Variants in SPATA16 observed in about 807,000 individuals in gnomAD.
SPATA16 encodes the protein spermatogenesis-associated protein 16.
In SPATA16, 36 loss-of-function variants were observed where a neutral mutation model predicts 63.3. That is an observed-to-expected ratio of 0.57 (90% CI 0.44 to 0.75). The LOEUF (loss-of-function observed/expected upper bound fraction) is 0.75, where lower values mean the gene tolerates loss of function less well. Among genes scored for constraint, SPATA16 ranks in the 30% least tolerant of loss-of-function variants. SPATA16 has a pLI of 0.00. For missense variants in SPATA16, 646 were observed against 679.3 expected (o/e 0.95, Z 0.54); for synonymous variants, 203 against 216.7 (o/e 0.94, Z 0.56).
At chr3:172,984,973 A>G (rs761006551) in intron 4 of SPATA16, among the ~76,000 whole-genome samples, 2 of 152,194 alleles carry the variant, frequency 1.3e-5, no homozygotes, top group Non-Finnish European at 2.9e-5. Flanking sequence ...TTAATTTTCC[A>G]AAAAGTAGAT....
At chr3:173,019,231 A>G (rs576947099) in intron 4 of SPATA16, among the ~76,000 whole-genome samples, 1 of 152,286 alleles carries the variant, frequency 6.6e-6, no homozygotes, top group East Asian at 1.9e-4. Flanking sequence ...CTATTACTTT[A>G]TGCAAGTTTT....
chr3:172,975,373 TAATTA>T (rs989257920), intron 5 of SPATA16, among the ~76,000 whole-genome samples: 5 of 152,140 alleles, frequency 3.3e-5, no homozygotes, highest in African/African-American at 1.2e-4. Context: ...GTTTAATGAA[TAATTA>T]AATTAAGTCA....
intron 2 of SPATA16, among the ~76,000 whole-genome samples, chr3:173,072,640 G>A (rs1463146594): frequency 6.6e-6 from 1 of 152,094 alleles, no homozygotes; most frequent in Non-Finnish European, 1.5e-5. Flanking sequence ...CACCATGATT[G>A]TGAGGCCTCC....
intron 10 of SPATA16, among the ~76,000 whole-genome samples, chr3:172,910,262 T>C (rs957534873): frequency 2.0e-5 from 3 of 151,946 alleles, no homozygotes; most frequent in South Asian, 2.1e-4. Context: ...CCTGGCTAAT[T>C]TTTGTATTTT....
rs928714259 is a variant in SPATA16, at chr3:172,889,445, T to C, written c.*125A>G. The C allele has an allele frequency of 7.5e-7, 1 of 1,340,142 alleles. No individual in the cohort carries two copies. Among genetic ancestry groups the C allele is most frequent in the Non-Finnish European group, 1.1e-6 (1 of 942,750 alleles). 83.0% of individuals were successfully genotyped at this position (1,340,142 alleles called of 1,614,324 possible). On this transcript the variant is annotated 3_prime_UTR_variant, in exon 11 of 11. Coordinates refer to ENST00000351008, the MANE Select transcript of SPATA16 (RefSeq NM_031955.6). ...TTTGGTAAAGATGAACTGAGGGGAATACCACCTCTTTCTTTTGGTGACAAG... is the reference window on the plus strand; with the variant it reads ...TTTGGTAAAGATGAACTGAGGGGAACACCACCTCTTTCTTTTGGTGACAAG...
At chr3:173,035,906 CTG>C (rs1735705505) in intron 3 of SPATA16, among the ~76,000 whole-genome samples, 1 of 151,374 alleles carries the variant, frequency 6.6e-6, no homozygotes, top group Non-Finnish European at 1.5e-5. Context: ...TGATACCAAA[CTG>C]TTCTGGTATT....
chr3:173,056,769 T>C (rs1036920972), intron 2 of SPATA16, among the ~76,000 whole-genome samples: 1 of 150,078 alleles, frequency 6.7e-6, no homozygotes, highest in African/African-American at 2.5e-5. Flanking sequence ...ACATAATCAT[T>C]TTTTCTGTAA....
chr3:172,908,565 T>A (rs1176255726), intron 10 of SPATA16, among the ~76,000 whole-genome samples: 1 of 152,262 alleles, frequency 6.6e-6, no homozygotes, highest in African/African-American at 2.4e-5. Flanking sequence ...GGAGGTCAGC[T>A]TTCATGAATC....
At chr3:173,064,200 C>T (rs1964736) in intron 2 of SPATA16, among the ~76,000 whole-genome samples, 92 of 151,066 alleles carry the variant, frequency 6.1e-4, no homozygotes, top group African/African-American at 2.0e-3. Context: ...CCCAGCTACT[C>T]GGGAGGCTGA....
At chr3:172,895,829 A>C (rs1359987491) in intron 10 of SPATA16, among the ~76,000 whole-genome samples, 2 of 152,070 alleles carry the variant, frequency 1.3e-5, no homozygotes, top group African/African-American at 4.8e-5. Context: ...GATTATTTCC[A>C]GTTTGGGGTT....
At chr3:173,014,765 G>A (rs1031340207) in intron 4 of SPATA16, among the ~76,000 whole-genome samples, 1 of 152,194 alleles carries the variant, frequency 6.6e-6, no homozygotes, top group Non-Finnish European at 1.5e-5. Context: ...GTAGGGTGAT[G>A]ATATGGCCGG....
At chr3:172,927,599 C>T (rs900874396) in intron 6 of SPATA16, among the ~76,000 whole-genome samples, 1 of 152,048 alleles carries the variant, frequency 6.6e-6, no homozygotes, top group Admixed American at 6.5e-5. Flanking sequence ...ATTATCAGGC[C>T]CACCTTACAG....
At chr3:173,002,259 G>T (rs934432479) in intron 4 of SPATA16, among the ~76,000 whole-genome samples, 4 of 152,002 alleles carry the variant, frequency 2.6e-5, no homozygotes, top group African/African-American at 9.7e-5. Flanking sequence ...CACTGAAGCT[G>T]GTGTTTTTTC....
At chr3:173,038,784 A>C (rs2108288262) in intron 3 of SPATA16, among the ~76,000 whole-genome samples, 1 of 152,306 alleles carries the variant, frequency 6.6e-6, no homozygotes, top group South Asian at 2.1e-4. Context: ...GAGGTGTTTG[A>C]AATGTCACAA....
At position 172,983,178 on chromosome 3, in the gene SPATA16, C is replaced by T. The variant is rs181000981; in HGVS notation, c.849-6126G>A. 1.2e-3 allele frequency among the ~76,000 whole-genome samples: 182 copies of T among 152,294 alleles called. 1 individual carries two copies. The highest frequency in any genetic ancestry group is 2.3e-3 in the Admixed American group (35 of 15,294). On this transcript the variant is annotated intron_variant, in intron 4 of 10. Coordinates refer to ENST00000351008, the MANE Select transcript of SPATA16 (RefSeq NM_031955.6). ...ATCTTCTGCAGTTTTAGTCTGCTGG[C>T]TTTAGTTCTCTCTCCAGTGTTAATG...
chr3:172,982,555 C>G (rs2108255329), intron 4 of SPATA16, among the ~76,000 whole-genome samples: 1 of 152,106 alleles, frequency 6.6e-6, no homozygotes, highest in Non-Finnish European at 1.5e-5. Flanking sequence ...GGGCCAGAAT[C>G]TGGTTTTTAA....
At chr3:172,896,849 T>C (rs1487499532) in intron 10 of SPATA16, among the ~76,000 whole-genome samples, 1 of 152,164 alleles carries the variant, frequency 6.6e-6, no homozygotes, top group Admixed American at 6.5e-5. Context: ...TAGTCTTTTG[T>C]TGGATGTAGG....
intron 6 of SPATA16, among the ~76,000 whole-genome samples, chr3:172,927,552 G>T (rs888164961): frequency 6.6e-6 from 1 of 152,062 alleles, no homozygotes; most frequent in African/African-American, 2.4e-5. Context: ...CATTATCAGG[G>T]TTATCTTTTT....
chr3:172,976,773 A>G (rs1272301658), intron 5 of SPATA16, among the ~76,000 whole-genome samples, 195 bp downstream of exon 5: 1 of 152,110 alleles, frequency 6.6e-6, no homozygotes, highest in Non-Finnish European at 1.5e-5. Flanking sequence ...GCCATGGGTT[A>G]ACAACCTTGA....
Sources: gnomAD v4.1 joint callset for allele counts (sites outside exome capture counted in the v4.1 genomes callset) on GRCh38, gnomAD v4.1.1 for gene constraint, MANE v1.5 for transcripts, NCBI Gene and HGNC (gene_info 2026-07-23, HGNC 2026-07-21) for gene names.